The following GCNT2 variants were observed in gnomAD, a reference collection of about 807,000 sequenced individuals.
GCNT2 encodes the protein N-acetyllactosaminide beta-1,6-N-acetylglucosaminyl-transferase.
GCNT2 carries 34 observed loss-of-function variants against 34.2 expected under a neutral mutation model. That is an observed-to-expected ratio of 1.00 (90% CI 0.76 to 1.32). The LOEUF is 1.32. GCNT2 is among the 40% of genes most tolerant of loss of function. The probability of loss-of-function intolerance (pLI) is 0.00; values close to 1 mark genes in which losing one functional copy is unlikely to be tolerated. For missense variants in GCNT2, 584 were observed against 489.4 expected, an observed-to-expected ratio of 1.19 and a Z score of -1.82; for synonymous variants, 212 against 188.0, an observed-to-expected ratio of 1.13 and a Z score of -1.04.
chr6:10,616,376 G>GT (rs1765764012), intron 3 of GCNT2, among the ~76,000 whole-genome samples: 1 of 152,206 alleles, frequency 6.6e-6, no homozygotes, highest in African/African-American at 2.4e-5. Context: ...CCACAGTGTG[G>GT]AAAGCAACCT....
At chr6:10,541,955 G>A (rs2113591018) in intron 3 of GCNT2, among the ~76,000 whole-genome samples, 1 of 152,262 alleles carries the variant, frequency 6.6e-6, no homozygotes, top group Non-Finnish European at 1.5e-5. Flanking sequence ...GCTGCTGCCA[G>A]AAAGCAGAAT....
intron 3 of GCNT2, among the ~76,000 whole-genome samples, chr6:10,534,216 A>G (rs1251856381): frequency 7.1e-6 from 1 of 141,812 alleles, no homozygotes; most frequent in Non-Finnish European, 1.5e-5. Context: ...ATCTTGGCTC[A>G]CTGCAACCTC....
At chr6:10,542,920 A>ATTTTTTTTTTTTTTGTTTTTTTTTTTT (rs1372175598) in intron 3 of GCNT2, among the ~76,000 whole-genome samples, 1 of 88,070 alleles carries the variant, frequency 1.1e-5, no homozygotes, top group African/African-American at 4.3e-5. Context: ...TTTTTTTTTA[A>ATTTTTTTTTTTTTTGTTTTTTTTTTTT]TTTTGAGACG....
intron 3 of GCNT2, among the ~76,000 whole-genome samples, chr6:10,585,419 G>A (rs141990682): frequency 1.3e-5 from 2 of 152,160 alleles, no homozygotes; most frequent in Non-Finnish European, 2.9e-5. Flanking sequence ...AGAGGTGGCA[G>A]AGAACAGGAA....
At chr6:10,617,197 C>T (rs1434025441) in intron 3 of GCNT2, among the ~76,000 whole-genome samples, 2 of 152,190 alleles carry the variant, frequency 1.3e-5, no homozygotes, top group Admixed American at 6.5e-5. Flanking sequence ...GGTGCTGAGC[C>T]CTGCCCCGCT....
chr6:10,556,192 G>C, intron 3 of GCNT2: 1 of 1,397,638 alleles, frequency 7.2e-7, no homozygotes, highest in Non-Finnish European at 9.3e-7. Context: ...AACCTGCCAC[G>C]GGGATTTAAA....
intron 1 of GCNT2, among the ~76,000 whole-genome samples, chr6:10,523,800 G>A (rs1054341540): frequency 7.2e-5 from 11 of 151,806 alleles, no homozygotes; most frequent in South Asian, 4.2e-4. Flanking sequence ...GTGAAACCCC[G>A]TCTCTATTAA....
intron 3 of GCNT2, chr6:10,573,400 T>A: frequency 1.8e-6 from 1 of 569,934 alleles, no homozygotes; most frequent in Non-Finnish European, 2.2e-6. Context: ...GCTGGGCAGT[T>A]AACACCAGAA....
chr6:10,587,502 G>C (rs1411981404), intron 3 of GCNT2, among the ~76,000 whole-genome samples: 1 of 152,224 alleles, frequency 6.6e-6, no homozygotes, highest in Non-Finnish European at 1.5e-5. Context: ...GCCTGGAGGA[G>C]TGGGTAACAA....
Position 10,523,431 on chromosome 6 carries a change from GAAAA to G in GCNT2, c.-469+2028_-469+2031del, listed in dbSNP as rs34628756. ...ACAAGAGCGAAACTCCGTCTCAAAAGAAAAAAAAAAAAAAAAAGACCAGCTTTCT... is the reference window on the plus strand; with the variant it reads ...ACAAGAGCGAAACTCCGTCTCAAAAGAAAAAAAAAAAAAGACCAGCTTTCT... On this transcript the variant is annotated intron_variant, in intron 1 of 4. Coordinates refer to ENST00000495262, the MANE Select transcript of GCNT2 (RefSeq NM_145649.5). Among the ~76,000 whole-genome samples, 898 of 122,492 alleles carry G rather than the reference GAAAA, an allele frequency of 7.3e-3. 10 individuals carry two copies. The highest frequency in any genetic ancestry group is 0.026 in the African/African-American group (846 of 32,382). 80.4% of individuals were successfully genotyped at this position (122,492 alleles called of 152,430 possible). A position where few individuals can be genotyped will look rare whatever the true frequency, so the allele number is the denominator to read the frequency against.
chr6:10,608,290 T>G (rs1008333648), intron 3 of GCNT2, among the ~76,000 whole-genome samples: 1 of 152,066 alleles, frequency 6.6e-6, no homozygotes, highest in African/African-American at 2.4e-5. Flanking sequence ...TTGGTCAGGC[T>G]GGTCTCAAAC....
chr6:10,607,630 A>G (rs1162632745), intron 3 of GCNT2, among the ~76,000 whole-genome samples: 2 of 152,298 alleles, frequency 1.3e-5, no homozygotes, highest in East Asian at 1.9e-4. Flanking sequence ...ATAATTTTTA[A>G]TAGCTCTGTA....
intron 3 of GCNT2, among the ~76,000 whole-genome samples, chr6:10,604,102 G>C (rs865918394): frequency 2.6e-5 from 4 of 151,832 alleles, no homozygotes; most frequent in Non-Finnish European, 5.9e-5. Context: ...TCACAATGTT[G>C]GCCAGCATGG....
intron 3 of GCNT2, among the ~76,000 whole-genome samples, chr6:10,607,611 T>C (rs1765379308): frequency 6.6e-6 from 1 of 152,018 alleles, no homozygotes; most frequent in African/African-American, 2.4e-5. Flanking sequence ...TCATGAAGAG[T>C]TTGTCACCAT....
chr6:10,533,716 T>C (rs534828648), intron 3 of GCNT2, among the ~76,000 whole-genome samples: 1 of 138,600 alleles, frequency 7.2e-6, no homozygotes, highest in Non-Finnish European at 1.5e-5. Flanking sequence ...TTCAGCGATT[T>C]AGGAGAACCA....
At chr6:10,559,204 TC>T (rs1194535407) in intron 3 of GCNT2, among the ~76,000 whole-genome samples, 2 of 152,190 alleles carry the variant, frequency 1.3e-5, no homozygotes, top group East Asian at 3.9e-4. Context: ...GAAAAAGAAT[TC>T]CCCTTTTTTC....
At chr6:10,559,474 C>T (rs1381137964) in intron 3 of GCNT2, among the ~76,000 whole-genome samples, 1 of 152,214 alleles carries the variant, frequency 6.6e-6, no homozygotes, top group Non-Finnish European at 1.5e-5. Flanking sequence ...TCAAATCTCT[C>T]CAGCTACAAA....
intron 1 of GCNT2, among the ~76,000 whole-genome samples, chr6:10,524,471 C>G (rs957087051): frequency 2.0e-5 from 3 of 152,060 alleles, no homozygotes; most frequent in Non-Finnish European, 4.4e-5. Flanking sequence ...AGGCTGGTCT[C>G]TAACTCAATC....
chr6:10,551,982 C>A (rs1762504347), intron 3 of GCNT2, among the ~76,000 whole-genome samples: 1 of 152,008 alleles, frequency 6.6e-6, no homozygotes, highest in Non-Finnish European at 1.5e-5. Flanking sequence ...TGGTCTCAAA[C>A]TCCTGACCTC....
Sources: allele counts gnomAD v4.1 joint callset (sites outside exome capture counted in the v4.1 genomes callset), GRCh38; gene constraint gnomAD v4.1.1; transcripts MANE v1.5; gene names NCBI Gene and HGNC (gene_info 2026-07-23, HGNC 2026-07-21).